The following RPS6KC1 variants were observed in gnomAD, a reference collection of about 807,000 sequenced individuals.
The protein encoded by RPS6KC1 is inactive ribosomal protein S6 kinase delta-1.
A neutral mutation model predicts 103.8 loss-of-function variants in RPS6KC1; 54 were observed. That is an observed-to-expected ratio of 0.52 (90% CI 0.42 to 0.65). RPS6KC1 has a LOEUF of 0.65. RPS6KC1 is among the 30% of genes least tolerant of loss of function. The probability of loss-of-function intolerance (pLI) is 0.00; values close to 1 mark genes in which losing one functional copy is unlikely to be tolerated. For missense variants in RPS6KC1, 1,151 were observed against 1,253.8 expected (o/e 0.92, Z 1.24); for synonymous variants, 439 against 438.7 (o/e 1.00, Z -0.01).
At chr1:213,325,027 C>G in the RPS6KC1 span, among the ~76,000 whole-genome samples, 6 of 152,110 alleles carry the variant, frequency 3.9e-5, no homozygotes, top group Admixed American at 3.9e-4. Flanking sequence ...CTTTCTGCAC[C>G]CAGTAAACAT....
At chr1:213,479,030 A>AT in the RPS6KC1 span, among the ~76,000 whole-genome samples, 1 of 151,956 alleles carries the variant, frequency 6.6e-6, no homozygotes. Context: ...TGCAAATTAC[A>AT]TTTTTCAAGA....
At chr1:213,151,098 G>T (rs187715604) in intron 6 of RPS6KC1, among the ~76,000 whole-genome samples, 1 of 125,240 alleles carries the variant, frequency 8.0e-6, no homozygotes, top group African/African-American at 3.1e-5. Flanking sequence ...CCTCCCGGAT[G>T]GGGGGGCTGG....
chr1:213,475,635 C>T, the RPS6KC1 span, among the ~76,000 whole-genome samples: 1 of 151,982 alleles, frequency 6.6e-6, no homozygotes, highest in African/African-American at 2.4e-5. Context: ...TCAGTCTCTT[C>T]GGGGGCCCCC....
At chr1:213,339,579 T>C in the RPS6KC1 span, among the ~76,000 whole-genome samples, 1 of 152,238 alleles carries the variant, frequency 6.6e-6, no homozygotes, top group Non-Finnish European at 1.5e-5. Context: ...GTTCTAGAAA[T>C]AATCTCTTAA....
At chr1:213,715,267 T>C in the RPS6KC1 span, among the ~76,000 whole-genome samples, 2 of 152,210 alleles carry the variant, frequency 1.3e-5, no homozygotes, top group Non-Finnish European at 2.9e-5. Flanking sequence ...ATGGCAAATC[T>C]CTGATGTTGC....
the RPS6KC1 span, among the ~76,000 whole-genome samples, chr1:213,578,259 G>GAA: frequency 1.3e-5 from 2 of 152,256 alleles, no homozygotes; most frequent in African/African-American, 4.8e-5. Context: ...AGGATGTATG[G>GAA]AAACACCTGA....
chr1:213,182,121 C>G (rs1180208851), intron 8 of RPS6KC1, among the ~76,000 whole-genome samples: 3 of 152,100 alleles, frequency 2.0e-5, no homozygotes, highest in African/African-American at 7.2e-5. Context: ...AATGATGACA[C>G]CAGTAGTTTG....
At chr1:213,443,550 G>A in the RPS6KC1 span, among the ~76,000 whole-genome samples, 3 of 152,134 alleles carry the variant, frequency 2.0e-5, no homozygotes, top group Non-Finnish European at 2.9e-5. Flanking sequence ...GCTGGGCTGG[G>A]TTCTTGGGCA....
the RPS6KC1 span, among the ~76,000 whole-genome samples, chr1:213,649,505 T>C: frequency 1.3e-5 from 2 of 152,072 alleles, no homozygotes; most frequent in Non-Finnish European, 1.5e-5. Flanking sequence ...TTGATGCTAT[T>C]GTTCCCTGCT....
the RPS6KC1 span, among the ~76,000 whole-genome samples, chr1:213,528,751 G>T: frequency 6.6e-6 from 1 of 152,162 alleles, no homozygotes; most frequent in Non-Finnish European, 1.5e-5. Flanking sequence ...GCTCCCCTAT[G>T]CTTGGACAGG....
chr1:213,682,573 G>A, the RPS6KC1 span, among the ~76,000 whole-genome samples: 1 of 152,230 alleles, frequency 6.6e-6, no homozygotes, highest in Non-Finnish European at 1.5e-5. Context: ...GAAAAGTGAT[G>A]TAAAGTTCTA....
intron 6 of RPS6KC1, among the ~76,000 whole-genome samples, chr1:213,141,870 T>C (rs191500270): frequency 6.6e-6 from 1 of 152,096 alleles, no homozygotes; most frequent in African/African-American, 2.4e-5. Flanking sequence ...GAGTGTTCTG[T>C]AGATGTCTGT....
At chr1:213,591,231 T>C in the RPS6KC1 span, among the ~76,000 whole-genome samples, 9,507 of 152,266 alleles carry the variant, frequency 0.062, 535 homozygotes, top group East Asian at 0.27. Context: ...TCTCTGCCCC[T>C]ACTCTGCAAC....
At chr1:213,100,310 G>A (rs1374728258) in intron 3 of RPS6KC1, among the ~76,000 whole-genome samples, 1 of 152,000 alleles carries the variant, frequency 6.6e-6, no homozygotes, top group Non-Finnish European at 1.5e-5. Context: ...TGGGGCTGGA[G>A]TTCTTTGTAT....
At chr1:213,232,934 T>C (rs1466089268) in intron 10 of RPS6KC1, among the ~76,000 whole-genome samples, 1 of 152,214 alleles carries the variant, frequency 6.6e-6, no homozygotes, top group East Asian at 1.9e-4. Flanking sequence ...TAAATTCATT[T>C]AATACATATT....
intron 3 of RPS6KC1, among the ~76,000 whole-genome samples, chr1:213,083,927 G>A (rs752339625): frequency 3.0e-4 from 46 of 152,108 alleles, no homozygotes; most frequent in African/African-American, 9.2e-4. Context: ...TCCATGTGTC[G>A]TTACATGTTT....
At chr1:213,068,482 TC>T (rs2078541956) in intron 1 of RPS6KC1, among the ~76,000 whole-genome samples, 1 of 8,200 alleles carries the variant, frequency 1.2e-4, no homozygotes, top group Non-Finnish European at 2.1e-4. Flanking sequence ...AGACTCTGTC[TC>T]AAAAAAAAAA....
the RPS6KC1 span, among the ~76,000 whole-genome samples, chr1:213,750,906 A>G: frequency 3.3e-5 from 5 of 152,218 alleles, no homozygotes; most frequent in African/African-American, 1.2e-4. Flanking sequence ...AGTCCTGACA[A>G]AACAACCTAC....
At chr1:213,732,493 C>T in the RPS6KC1 span, among the ~76,000 whole-genome samples, 1 of 152,102 alleles carries the variant, frequency 6.6e-6, no homozygotes, top group Non-Finnish European at 1.5e-5. Context: ...AATAACTTAC[C>T]TTTATTTTCC....
Sources: allele counts gnomAD v4.1 joint callset (sites outside exome capture counted in the v4.1 genomes callset), GRCh38; gene constraint gnomAD v4.1.1; transcripts MANE v1.5; gene names NCBI Gene and HGNC (gene_info 2026-07-23, HGNC 2026-07-21).